The following LYRM4 variants were observed in gnomAD, a reference collection of about 807,000 sequenced individuals.
The protein encoded by LYRM4 is LYR motif containing 4, also known as LYR motif-containing protein 4.
A neutral mutation model predicts 11.7 loss-of-function variants in LYRM4; 9 were observed. That is an observed-to-expected ratio of 0.77 (90% CI 0.46 to 1.34). LYRM4 has a LOEUF of 1.34. Among genes scored for constraint, LYRM4 ranks in the 40% most tolerant of loss-of-function variants. The pLI is 0.00. For missense variants in LYRM4, 133 were observed against 112.5 expected, an observed-to-expected ratio of 1.18 and a Z score of -0.82; for synonymous variants, 42 against 40.4, an observed-to-expected ratio of 1.04 and a Z score of -0.15.
intron 1 of LYRM4, chr6:5,236,481 A>T (rs1042829775): frequency 6.6e-5 from 10 of 152,114 alleles, no homozygotes; most frequent in African/African-American, 2.4e-4. Context: ...AAGGAAAAAA[A>T]AAAAGTGTTA....
the LYRM4 span, among the ~76,000 whole-genome samples, chr6:5,050,658 C>T: frequency 1.3e-5 from 2 of 151,968 alleles, no homozygotes; most frequent in Non-Finnish European, 2.9e-5. Context: ...AAGGTGCAGG[C>T]TCAAAAAAAG....
the LYRM4 span, among the ~76,000 whole-genome samples, chr6:5,081,130 TGGGCGGGG>T: frequency 9.0e-4 from 2 of 2,226 alleles, no homozygotes; most frequent in South Asian, 0.028. Flanking sequence ...TGAACACACT[TGGGCGGGG>T]GGGGGGGGGG....
the LYRM4 span, chr6:5,086,379 G>C: frequency 6.5e-7 from 1 of 1,536,044 alleles, no homozygotes; most frequent in Non-Finnish European, 8.7e-7. Context: ...CAGGCGCCGA[G>C]TGCTTCCACT....
intron 2 of LYRM4, among the ~76,000 whole-genome samples, chr6:5,145,531 G>A (rs1412356942): frequency 6.6e-6 from 1 of 152,136 alleles, no homozygotes; most frequent in Non-Finnish European, 1.5e-5. Flanking sequence ...GAATTTCTCT[G>A]CCACACCTAA....
Position 5,227,978 on chromosome 6 carries a change from T to G in LYRM4, c.87-11240A>C, listed in dbSNP as rs536636620. ...GAGGGGAACATCACACACCAGGACC[T>G]GTTGCGGGGTGGGGGGCTAGGAGAG... On this transcript the variant is annotated intron_variant, in intron 1 of 2. Transcript: ENST00000330636. Among the ~76,000 whole-genome samples the G allele has an allele frequency of 6.3e-4, 96 of 152,144 alleles. 1 individual carries two copies. The highest frequency in any genetic ancestry group is 2.2e-3 in the African/African-American group (93 of 41,496).
At chr6:5,116,229 T>A (rs1281606644) in intron 2 of LYRM4, among the ~76,000 whole-genome samples, 2 of 152,144 alleles carry the variant, frequency 1.3e-5, no homozygotes, top group African/African-American at 4.8e-5. Flanking sequence ...GTAGGACCAT[T>A]TACTGCAAAA....
intron 2 of LYRM4, among the ~76,000 whole-genome samples, chr6:5,135,817 C>T (rs1757063582): frequency 6.6e-6 from 1 of 152,164 alleles, no homozygotes; most frequent in South Asian, 2.1e-4. Context: ...GCATTAAGTA[C>T]ATTCACATTG....
chr6:5,226,438 G>A (rs1762896829), intron 1 of LYRM4, among the ~76,000 whole-genome samples: 1 of 152,206 alleles, frequency 6.6e-6, no homozygotes, highest in South Asian at 2.1e-4. Context: ...AGGCTGGAGT[G>A]CAATGGCGCA....
chr6:5,248,717 A>G (rs933558777), intron 1 of LYRM4, among the ~76,000 whole-genome samples: 1 of 152,176 alleles, frequency 6.6e-6, no homozygotes, highest in African/African-American at 2.4e-5. Context: ...TGTCTCTCCT[A>G]TCTGCTTCCA....
At chr6:5,220,703 G>A (rs1762530271) in intron 1 of LYRM4, among the ~76,000 whole-genome samples, 1 of 152,146 alleles carries the variant, frequency 6.6e-6, no homozygotes, top group Non-Finnish European at 1.5e-5. Flanking sequence ...CATCTTTGAG[G>A]TCATGCCATC....
At chr6:5,046,363 A>G in the LYRM4 span, among the ~76,000 whole-genome samples, 2 of 152,028 alleles carry the variant, frequency 1.3e-5, no homozygotes, top group Non-Finnish European at 2.9e-5. Context: ...AGCCAGGATG[A>G]TCTCGATCTC....
At chr6:5,218,527 A>AT in intron 1 of LYRM4, 1 of 239,836 alleles carries the variant, frequency 4.2e-6, no homozygotes, top group Non-Finnish European at 6.7e-6. Flanking sequence ...AAATCTTATG[A>AT]TACTAGGAAT....
At chr6:5,237,422 C>T (rs1256044295) in intron 1 of LYRM4, among the ~76,000 whole-genome samples, 1 of 151,870 alleles carries the variant, frequency 6.6e-6, no homozygotes, top group Non-Finnish European at 1.5e-5. Flanking sequence ...GGAAAACAAG[C>T]TCAGCGCTCC....
the LYRM4 span, chr6:5,054,502 T>G: frequency 6.5e-6 from 1 of 153,754 alleles, no homozygotes; most frequent in Non-Finnish European, 1.5e-5. Context: ...CCTGACAAAT[T>G]CCTGGTAACA....
chr6:5,133,449 G>A (rs1344697481), intron 2 of LYRM4, among the ~76,000 whole-genome samples: 1 of 152,124 alleles, frequency 6.6e-6, no homozygotes, highest in Non-Finnish European at 1.5e-5. Context: ...CCAAAGACAC[G>A]ATCCTGACCC....
chr6:5,137,147 C>T (rs894333726), intron 2 of LYRM4, among the ~76,000 whole-genome samples: 7 of 152,134 alleles, frequency 4.6e-5, no homozygotes, highest in Non-Finnish European at 8.8e-5. Flanking sequence ...AAGGGCCATC[C>T]GTGTTCTAGC....
chr6:5,170,453 G>A lies in LYRM4; in HGVS notation c.207+46165C>T, dbSNP rs1036460768. Among the ~76,000 whole-genome samples, 8 of 151,784 alleles carry A rather than the reference G, an allele frequency of 5.3e-5. No individual in the cohort carries two copies. In the East Asian group the frequency reaches 5.8e-4, roughly 11 times the overall value. ...GGCCTGTGACCCAAAATATTCTTGG[G>A]TATCAAAAGAGCTTTCTCACTTTAT... On this transcript the variant is annotated intron_variant, in intron 2 of 2. Coordinates refer to ENST00000330636, the MANE Select transcript of LYRM4 (RefSeq NM_020408.6).
chr6:5,238,978 C>T (rs1219207077), intron 1 of LYRM4, among the ~76,000 whole-genome samples: 2 of 152,180 alleles, frequency 1.3e-5, no homozygotes, highest in Non-Finnish European at 2.9e-5. Context: ...TTCTGATAAC[C>T]CATTATGCTA....
intron 2 of LYRM4, among the ~76,000 whole-genome samples, chr6:5,152,649 G>A (rs1758156623): frequency 6.6e-6 from 1 of 152,168 alleles, no homozygotes; most frequent in South Asian, 2.1e-4. Context: ...ACAAAGGTCT[G>A]CTTTACTCAG....
Sources: allele counts gnomAD v4.1 joint callset (sites outside exome capture counted in the v4.1 genomes callset), GRCh38; gene constraint gnomAD v4.1.1; transcripts MANE v1.5; gene names NCBI Gene and HGNC (gene_info 2026-07-23, HGNC 2026-07-21).